The following RPL39L variants were observed in gnomAD, a reference collection of about 807,000 sequenced individuals.
The protein encoded by RPL39L is ribosomal protein L39 like.
For missense variants in RPL39L, 48 were observed against 58.9 expected, an observed-to-expected ratio of 0.81 and a Z score of 0.61; for synonymous variants, 16 against 20.1, an observed-to-expected ratio of 0.80 and a Z score of 0.55.
At chr3:187,125,572 C>T (rs1348943481) in intron 2 of RPL39L, among the ~76,000 whole-genome samples, 1 of 151,678 alleles carries the variant, frequency 6.6e-6, no homozygotes, top group Non-Finnish European at 1.5e-5. Context: ...TTACCCATCC[C>T]TAATCACTGT....
intron 2 of RPL39L, among the ~76,000 whole-genome samples, chr3:187,127,573 C>T (rs1720420249): frequency 6.6e-6 from 1 of 152,146 alleles, no homozygotes; most frequent in Non-Finnish European, 1.5e-5. Flanking sequence ...CACTTTAGTG[C>T]CTATTTTAAT....
Position 187,121,296 on chromosome 3 carries a change from G to C in RPL39L, c.5C>G (p.Ser2Cys). 1 of 1,614,002 alleles carries C rather than the reference G, an allele frequency of 6.2e-7. No homozygotes were observed. Among genetic ancestry groups the C allele is most frequent in the Non-Finnish European group, 8.5e-7 (1 of 1,179,920 alleles). ...CTTAATGGTGAAAGTCTTGTGAGAA[G>C]ACATGGCGAGAAACAGAGTCAACCA... M[S>C]SHKTFTIKRF... The change falls in exon 3 of 3, where the codon TCT becomes TGT. Residue 2 changes from serine (S) to cysteine (C), a missense_variant. Coordinates refer to ENST00000296277, the MANE Select transcript of RPL39L (RefSeq NM_052969.3).
At chr3:187,126,472 G>C (rs1720400283) in intron 2 of RPL39L, among the ~76,000 whole-genome samples, 1 of 151,902 alleles carries the variant, frequency 6.6e-6, no homozygotes, top group South Asian at 2.1e-4. Flanking sequence ...CCCATCTATT[G>C]CTTTTTAATG....
intron 1 of RPL39L, among the ~76,000 whole-genome samples, chr3:187,133,041 A>C (rs1370498843): frequency 6.6e-6 from 1 of 152,252 alleles, no homozygotes; most frequent in East Asian, 1.9e-4. Context: ...GTGGACCAGC[A>C]TAAGAGTATA....
chr3:187,137,680 G>A (rs1668371140), intron 1 of RPL39L, among the ~76,000 whole-genome samples: 1 of 151,890 alleles, frequency 6.6e-6, no homozygotes, highest in South Asian at 2.1e-4. Flanking sequence ...AAAATTAGCC[G>A]GGTGTGGTGG....
At chr3:187,122,634 G>T (rs929865357) in intron 2 of RPL39L, among the ~76,000 whole-genome samples, 2 of 152,176 alleles carry the variant, frequency 1.3e-5, no homozygotes, top group Non-Finnish European at 2.9e-5. Flanking sequence ...ATGCTGTGAG[G>T]CTACCGGCTT....
intron 1 of RPL39L, among the ~76,000 whole-genome samples, chr3:187,138,505 G>T (rs933946423): frequency 2.0e-5 from 3 of 152,238 alleles, no homozygotes; most frequent in African/African-American, 7.2e-5. Context: ...TGGAGGAAAA[G>T]AAAGTGTTTG....
chr3:187,125,034 T>C (rs1269036056), intron 2 of RPL39L, among the ~76,000 whole-genome samples: 1 of 152,180 alleles, frequency 6.6e-6, no homozygotes, highest in Non-Finnish European at 1.5e-5. Context: ...TAAAACCACA[T>C]GTCTTTAGAT....
At chr3:187,137,632 G>A (rs1720607085) in intron 1 of RPL39L, among the ~76,000 whole-genome samples, 2 of 152,256 alleles carry the variant, frequency 1.3e-5, no homozygotes, top group East Asian at 1.9e-4. Context: ...GGCCAACCAT[G>A]GCCAACATGG....
chr3:187,127,229 C>G (rs1720411771), intron 2 of RPL39L, among the ~76,000 whole-genome samples: 1 of 152,152 alleles, frequency 6.6e-6, no homozygotes, highest in South Asian at 2.1e-4. Flanking sequence ...CCAGGTCATT[C>G]TGAAGCATGT....
At chr3:187,123,146 G>A (rs1362830771) in intron 2 of RPL39L, among the ~76,000 whole-genome samples, 1 of 152,160 alleles carries the variant, frequency 6.6e-6, no homozygotes, top group Non-Finnish European at 1.5e-5. Flanking sequence ...GCCCTAGTGG[G>A]GAGGCCAGTG....
intron 1 of RPL39L, among the ~76,000 whole-genome samples, chr3:187,138,678 C>G (rs1560202907): frequency 6.6e-6 from 1 of 152,160 alleles, no homozygotes; most frequent in Non-Finnish European, 1.5e-5. Flanking sequence ...GGTGGCAGGG[C>G]GGAACATGGA....
Position 187,132,743 on chromosome 3 carries a change from AAAT to A in RPL39L, c.-92-4684_-92-4682del, listed in dbSNP as rs374711604. 5.5e-3 allele frequency among the ~76,000 whole-genome samples: 840 copies of A among 152,304 alleles called. 8 individuals carry two copies. Among genetic ancestry groups the A allele is most frequent in the Non-Finnish European group, 5.5e-3 (374 of 68,022 alleles). On this transcript the variant is annotated intron_variant, in intron 1 of 2. Transcript: ENST00000296277. ...TATGCCAACAACCAGAAGAACTACG[AAAT>A]AATTTTTCCTGAAACTCAGAGGACT...
chr3:187,127,748 G>C (rs532431810), intron 2 of RPL39L, among the ~76,000 whole-genome samples: 2 of 152,116 alleles, frequency 1.3e-5, no homozygotes, highest in African/African-American at 4.8e-5. Context: ...TTTCACTTTA[G>C]TTTGCAATGT....
At chr3:187,131,715 T>C (rs1313329783) in intron 1 of RPL39L, among the ~76,000 whole-genome samples, 1 of 152,216 alleles carries the variant, frequency 6.6e-6, no homozygotes, top group African/African-American at 2.4e-5. Context: ...ATAAGGTTGT[T>C]ATAAAGCTTA....
At chr3:187,123,950 T>G (rs970116832) in intron 2 of RPL39L, among the ~76,000 whole-genome samples, 8 of 152,234 alleles carry the variant, frequency 5.3e-5, no homozygotes, top group Admixed American at 4.6e-4. Flanking sequence ...AAAAAGAAAC[T>G]CAAAGAGATA....
chr3:187,132,615 C>T (rs1317281753), intron 1 of RPL39L, among the ~76,000 whole-genome samples: 1 of 152,218 alleles, frequency 6.6e-6, no homozygotes, highest in Non-Finnish European at 1.5e-5. Context: ...TTTATGGTTT[C>T]TCACTATCTC....
chr3:187,132,571 C>T (rs1326784348), intron 1 of RPL39L, among the ~76,000 whole-genome samples: 3 of 152,184 alleles, frequency 2.0e-5, no homozygotes, highest in Non-Finnish European at 4.4e-5. Context: ...AACTTCCCTG[C>T]TTTAGTAAGA....
intron 1 of RPL39L, among the ~76,000 whole-genome samples, chr3:187,128,865 A>G (rs1178069541): frequency 6.6e-6 from 1 of 152,222 alleles, no homozygotes; most frequent in Admixed American, 6.5e-5. Flanking sequence ...TTATGCCTAT[A>G]AACATCATGA....
Sources: gnomAD v4.1 joint callset for allele counts (sites outside exome capture counted in the v4.1 genomes callset) on GRCh38, gnomAD v4.1.1 for gene constraint, MANE v1.5 for transcripts, NCBI Gene and HGNC (gene_info 2026-07-23, HGNC 2026-07-21) for gene names.